The following PCDHA7 variants were observed in gnomAD, a reference collection of about 807,000 sequenced individuals.
The protein encoded by PCDHA7 is protocadherin alpha-7.
Under a neutral mutation model 57.2 loss-of-function variants are expected in PCDHA7, and 37 were observed. That is an observed-to-expected ratio of 0.65 (90% CI 0.50 to 0.85). The LOEUF is 0.85. PCDHA7 is among the 40% of genes least tolerant of loss of function. The pLI, the probability that PCDHA7 is intolerant of heterozygous loss-of-function variation, is 0.00. For synonymous variants in PCDHA7, 553 were observed against 558.8 expected (o/e 0.99, Z 0.15); for missense variants, 1,188 against 1,241.8 (o/e 0.96, Z 0.65).
chr5:140,905,158 T>C (rs2071634583), intron 1 of PCDHA7, among the ~76,000 whole-genome samples: 1 of 152,256 alleles, frequency 6.6e-6, no homozygotes, highest in South Asian at 2.1e-4. Context: ...TTTAGAATTT[T>C]CATGGTTTCA....
At chr5:140,930,675 A>G (rs1326713897) in intron 1 of PCDHA7, among the ~76,000 whole-genome samples, 2 of 152,234 alleles carry the variant, frequency 1.3e-5, no homozygotes, top group Non-Finnish European at 2.9e-5. Flanking sequence ...TATTCTAGGC[A>G]ATAAGGGGAA....
intron 1 of PCDHA7, chr5:140,877,734 G>A (rs2057311538): frequency 1.9e-6 from 3 of 1,614,070 alleles, no homozygotes; most frequent in African/African-American, 2.7e-5. Flanking sequence ...CGCAGCAGAG[G>A]AGGCAGAGGG....
At chr5:140,858,508 T>C (rs1554151704) in intron 1 of PCDHA7, 2 of 1,443,968 alleles carry the variant, frequency 1.4e-6, no homozygotes, top group East Asian at 2.5e-5. Context: ...TTTTCTCAAA[T>C]ATGTATCAGA....
chr5:140,929,307 C>T (rs149565434), intron 1 of PCDHA7: 10 of 1,570,046 alleles, frequency 6.4e-6, no homozygotes, highest in Admixed American at 1.8e-5. Context: ...AAGGGGATCA[C>T]GCTAATGTCA....
At chr5:140,912,865 A>G (rs1554195582) in intron 1 of PCDHA7, among the ~76,000 whole-genome samples, 1 of 152,138 alleles carries the variant, frequency 6.6e-6, no homozygotes, top group East Asian at 1.9e-4. Flanking sequence ...GAAATGATAT[A>G]TGGTTTTTGG....
chr5:140,916,229 A>G (rs2077489205), intron 1 of PCDHA7, among the ~76,000 whole-genome samples: 2 of 152,190 alleles, frequency 1.3e-5, no homozygotes, highest in African/African-American at 4.8e-5. Flanking sequence ...TATGCTTTCC[A>G]GGAGCCAAAG....
At chr5:140,857,413 G>A (rs979396078) in intron 1 of PCDHA7, 1 of 1,598,402 alleles carries the variant, frequency 6.3e-7, no homozygotes, top group African/African-American at 1.3e-5. Context: ...CTGCGTTCGC[G>A]CAGTCCGAGT....
At chr5:140,973,720 A>G (rs781883210) in intron 1 of PCDHA7, among the ~76,000 whole-genome samples, 1 of 152,194 alleles carries the variant, frequency 6.6e-6, no homozygotes, top group Non-Finnish European at 1.5e-5. Flanking sequence ...GAGCCATCAC[A>G]TGGGCATCTG....
chr5:140,999,450 A>G (rs2097858332), intron 3 of PCDHA7, among the ~76,000 whole-genome samples: 1 of 152,198 alleles, frequency 6.6e-6, no homozygotes, highest in Admixed American at 6.5e-5. Flanking sequence ...TATTCGTTCA[A>G]CGAATAAGTG....
At position 140,849,055 on chromosome 5, in the gene PCDHA7, A is replaced by G; in HGVS notation, c.2355+12317A>G. The G allele has an allele frequency of 5.8e-6, 9 of 1,555,688 alleles. No individual in the cohort carries two copies. The Middle Eastern group carries it at 8.5e-4, about 147-fold the overall frequency. ...TTCCTGGACGTGCCAACCAGCAACC[A>G]GCAGGTAAAACCTCTTGGACTTGTA... On this transcript the variant is annotated intron_variant, in intron 1 of 3. Coordinates refer to ENST00000525929, the MANE Select transcript of PCDHA7 (RefSeq NM_018910.3).
chr5:140,886,698 C>G (rs578140955), intron 1 of PCDHA7, among the ~76,000 whole-genome samples: 3 of 151,820 alleles, frequency 2.0e-5, no homozygotes, highest in Non-Finnish European at 4.4e-5. Flanking sequence ...TGGTGGCACG[C>G]GCCTGTAATC....
At chr5:140,839,222 T>C (rs1358006384) in intron 1 of PCDHA7, among the ~76,000 whole-genome samples, 1 of 151,922 alleles carries the variant, frequency 6.6e-6, no homozygotes, top group Non-Finnish European at 1.5e-5. Flanking sequence ...GATGTAACTG[T>C]AATCTGTTTT....
chr5:140,856,851 C>T (rs140022509), intron 1 of PCDHA7: 4 of 1,593,160 alleles, frequency 2.5e-6, no homozygotes, highest in Admixed American at 1.7e-5. Context: ...GCTTCTGATT[C>T]GGATGAAGGA....
intron 1 of PCDHA7, chr5:140,841,254 A>T: frequency 6.6e-7 from 1 of 1,510,716 alleles, no homozygotes. Flanking sequence ...GGATTAAAAG[A>T]CTCTGAAAGT....
rs370812126 is a variant in PCDHA7, at chr5:140,869,802, G to A, written c.2355+33064G>A. On this transcript the variant is annotated intron_variant, in intron 1 of 3. Coordinates refer to ENST00000525929, the MANE Select transcript of PCDHA7 (RefSeq NM_018910.3). ...CCGTTCGGCTGTTAGTCCAAGTCTT[G>A]GATGTCAACGACAATGATCCAGAGT... 12 of 1,612,438 alleles carry A rather than the reference G, an allele frequency of 7.4e-6. No homozygotes were observed. The African/African-American group carries it at 1.3e-4, about 18-fold the overall frequency.
At chr5:140,876,653 C>G in intron 1 of PCDHA7, 1 of 1,614,200 alleles carries the variant, frequency 6.2e-7, no homozygotes, top group Non-Finnish European at 8.5e-7. Flanking sequence ...CCTCATGTTC[C>G]CTTCAAGCTG....
At chr5:140,848,972 T>G in intron 1 of PCDHA7, 3 of 1,601,076 alleles carry the variant, frequency 1.9e-6, no homozygotes, top group Non-Finnish European at 2.6e-6. Context: ...GCGCGTCCGA[T>G]GCAGATATCG....
chr5:140,884,456 G>A lies in PCDHA7; in HGVS notation c.2355+47718G>A, dbSNP rs1460569799. 2.5e-6 allele frequency: 4 copies of A among 1,613,650 alleles called. No individual in the cohort carries two copies. In the African/African-American group the frequency reaches 5.3e-5, roughly 22 times the overall value. The stretch of plus-strand genomic sequence containing the variant: ...GCGGTGCTCGGCACCGCCCACCGAG[G>A]GCGCGTGCGCGCCGGGCAAGCCCAC... On this transcript the variant is annotated intron_variant, in intron 1 of 3. Coordinates refer to ENST00000525929, the MANE Select transcript of PCDHA7 (RefSeq NM_018910.3).
intron 1 of PCDHA7, chr5:140,851,438 T>A (rs2042059755): frequency 1.1e-6 from 1 of 928,024 alleles, no homozygotes; most frequent in African/African-American, 1.8e-5. Flanking sequence ...AGAAAACAGT[T>A]GCTCCACTTT....
Sources: allele counts gnomAD v4.1 joint callset (sites outside exome capture counted in the v4.1 genomes callset), GRCh38; gene constraint gnomAD v4.1.1; transcripts MANE v1.5; gene names NCBI Gene and HGNC (gene_info 2026-07-23, HGNC 2026-07-21).